The following CSMD1 variants were observed in gnomAD, a reference collection of about 807,000 sequenced individuals.
CSMD1 encodes the protein CUB and sushi domain-containing protein 1.
A neutral mutation model predicts 417.5 loss-of-function variants in CSMD1; 213 were observed. That is an observed-to-expected ratio of 0.51 (90% CI 0.46 to 0.57). CSMD1 has a LOEUF of 0.57. Among genes scored for constraint, CSMD1 ranks in the 20% least tolerant of loss-of-function variants. The pLI is 0.00. For synonymous variants in CSMD1, 2,862 were observed against 1,736.8 expected, an observed-to-expected ratio of 1.65 and a Z score of -16.11; for missense variants, 6,923 against 4,529.7, an observed-to-expected ratio of 1.53 and a Z score of -15.17.
chr8:2,963,244 T>G lies in CSMD1; in HGVS notation c.9432A>C (p.Lys3144Asn). The G allele has an allele frequency of 6.2e-7, 1 of 1,613,890 alleles. No individual in the cohort carries two copies. The highest frequency in any genetic ancestry group is 8.5e-7 in the Non-Finnish European group (1 of 1,179,848). Reference sequence around the variant, plus strand: ...TACGGAGACACTGGGGGATCTCTCCTTTCCACACCCCGCGACCTTCACAGG... The same window carrying G: ...TACGGAGACACTGGGGGATCTCTCCGTTCCACACCCCGCGACCTTCACAGG... ...ILSCEGRGVWKGEIPQCLPVF... is the reference protein window; with the variant it reads ...ILSCEGRGVWNGEIPQCLPVF... Residue 3144 changes from lysine (K) to asparagine (N), a missense_variant, in exon 60 of 70, where the codon AAA (lysine) becomes AAC (asparagine). Transcript: ENST00000635120.
At chr8:3,994,326 C>T (rs1387982201) in intron 5 of CSMD1, among the ~76,000 whole-genome samples, 3 of 151,668 alleles carry the variant, frequency 2.0e-5, no homozygotes, top group South Asian at 2.1e-4. Flanking sequence ...ACCTTAATCC[C>T]GTTAACCATC....
chr8:3,216,015 CTATA>C (rs1212223693), intron 29 of CSMD1, among the ~76,000 whole-genome samples: 1 of 148,790 alleles, frequency 6.7e-6, no homozygotes, highest in African/African-American at 2.4e-5. Flanking sequence ...ACTATATTTC[CTATA>C]TAATTTACAT....
At position 4,869,394 on chromosome 8, in the gene CSMD1, C is replaced by T. The variant is rs146981488; in HGVS notation, c.85+124938G>A. On this transcript the variant is annotated intron_variant, in intron 1 of 69. Coordinates refer to ENST00000635120, the MANE Select transcript of CSMD1 (RefSeq NM_033225.6). The stretch of plus-strand genomic sequence containing the variant: ...TATTTTAATCACTCGAATTTCATAA[C>T]TTTGAGTTACTTGACTTTCACTTAC... Among the ~76,000 whole-genome samples, 229 of 152,096 alleles carry T rather than the reference C, an allele frequency of 1.5e-3. 1 individual carries two copies. The highest frequency in any genetic ancestry group is 5.3e-3 in the African/African-American group (219 of 41,458).
At chr8:3,659,761 T>G (rs1485263564) in intron 7 of CSMD1, among the ~76,000 whole-genome samples, 1 of 152,178 alleles carries the variant, frequency 6.6e-6, no homozygotes, top group Non-Finnish European at 1.5e-5. Flanking sequence ...TGAAAAATAC[T>G]GGTAAAGATC....
At chr8:3,054,941 T>C (rs1452646329) in intron 49 of CSMD1, among the ~76,000 whole-genome samples, 1 of 152,196 alleles carries the variant, frequency 6.6e-6, no homozygotes, top group Non-Finnish European at 1.5e-5. Context: ...CCATCCTTTC[T>C]TTTCTGTATC....
At chr8:4,775,279 T>A (rs1796791814) in intron 1 of CSMD1, among the ~76,000 whole-genome samples, 3 of 152,238 alleles carry the variant, frequency 2.0e-5, no homozygotes, top group Middle Eastern at 6.8e-3. Context: ...AATGATTACA[T>A]CAGGTCCAGC....
At chr8:4,057,469 C>T (rs1798755708) in intron 3 of CSMD1, among the ~76,000 whole-genome samples, 2 of 152,168 alleles carry the variant, frequency 1.3e-5, no homozygotes, top group African/African-American at 2.4e-5. Flanking sequence ...AAAATTTTCA[C>T]CCATTTTGTA....
intron 12 of CSMD1, among the ~76,000 whole-genome samples, chr8:3,463,031 G>T (rs1368577380): frequency 6.6e-6 from 1 of 152,216 alleles, no homozygotes; most frequent in East Asian, 1.9e-4. Flanking sequence ...CTATGAACCA[G>T]GAAACGGTCC....
chr8:3,336,066 G>T (rs1189345714), intron 23 of CSMD1, among the ~76,000 whole-genome samples: 1 of 152,192 alleles, frequency 6.6e-6, no homozygotes, highest in Non-Finnish European at 1.5e-5. Context: ...AGTGCTTTGA[G>T]TAACTGAAGT....
At chr8:3,565,683 A>G (rs1214464297) in intron 10 of CSMD1, among the ~76,000 whole-genome samples, 2 of 152,256 alleles carry the variant, frequency 1.3e-5, no homozygotes, top group Non-Finnish European at 2.9e-5. Context: ...TAAACATATC[A>G]GGATTTTCTT....
intron 1 of CSMD1, among the ~76,000 whole-genome samples, chr8:4,675,421 C>T (rs907458032): frequency 6.6e-6 from 1 of 152,070 alleles, no homozygotes; most frequent in Non-Finnish European, 1.5e-5. Context: ...CTGTTTTTGT[C>T]ATATTTAACT....
chr8:3,928,123 T>C (rs547917478), intron 5 of CSMD1, among the ~76,000 whole-genome samples: 62 of 152,298 alleles, frequency 4.1e-4, no homozygotes, highest in African/African-American at 1.4e-3. Context: ...GTAAATAAAC[T>C]ATCTATAGAT....
At chr8:4,774,279 T>C (rs1402024462) in intron 1 of CSMD1, among the ~76,000 whole-genome samples, 1 of 152,208 alleles carries the variant, frequency 6.6e-6, no homozygotes. Context: ...AAATTAACAG[T>C]GCAGTTTGAA....
chr8:3,114,647 G>C (rs1285288587), intron 42 of CSMD1, among the ~76,000 whole-genome samples: 1 of 151,976 alleles, frequency 6.6e-6, no homozygotes, highest in Non-Finnish European at 1.5e-5. Flanking sequence ...TGGTAATGGA[G>C]ATTTTAAAGA....
intron 36 of CSMD1, among the ~76,000 whole-genome samples, chr8:3,181,488 A>G (rs773929116): frequency 2.0e-5 from 3 of 152,128 alleles, no homozygotes; most frequent in Non-Finnish European, 4.4e-5. Flanking sequence ...GTTTTTTTGC[A>G]TTGTTTTATC....
intron 3 of CSMD1, among the ~76,000 whole-genome samples, chr8:4,363,919 G>T (rs1801921728): frequency 6.6e-6 from 1 of 152,118 alleles, no homozygotes. Flanking sequence ...GTAGGGCAGG[G>T]GGGAGATGAA....
intron 17 of CSMD1, among the ~76,000 whole-genome samples, chr8:3,394,668 G>A (rs373255671): frequency 6.6e-6 from 1 of 151,968 alleles, no homozygotes; most frequent in Non-Finnish European, 1.5e-5. Context: ...AAAATACAAG[G>A]CTTATTAGGG....
chr8:3,984,463 T>G (rs939399450), intron 5 of CSMD1, among the ~76,000 whole-genome samples: 14 of 152,136 alleles, frequency 9.2e-5, no homozygotes, highest in African/African-American at 3.4e-4. Flanking sequence ...TATATGTTTC[T>G]ATAAGGTAAA....
At chr8:3,251,852 T>G (rs1270201285) in intron 26 of CSMD1, among the ~76,000 whole-genome samples, 1 of 152,230 alleles carries the variant, frequency 6.6e-6, no homozygotes, top group Non-Finnish European at 1.5e-5. Flanking sequence ...CACTCATGAT[T>G]TGGCTCTTTC....
Sources: allele counts gnomAD v4.1 joint callset (sites outside exome capture counted in the v4.1 genomes callset), GRCh38; gene constraint gnomAD v4.1.1; transcripts MANE v1.5; gene names NCBI Gene and HGNC (gene_info 2026-07-23, HGNC 2026-07-21).